P4HA3: variants seen among roughly 807,000 people sequenced by gnomAD.
P4HA3 encodes the protein prolyl 4-hydroxylase subunit alpha 3.
Under a neutral mutation model 66.7 loss-of-function variants are expected in P4HA3, and 60 were observed. The ratio of observed to expected loss-of-function variants is 0.90; its 90% CI spans 0.73 to 1.12. The LOEUF (loss-of-function observed/expected upper bound fraction) is 1.12, where lower values mean the gene tolerates loss of function less well. P4HA3 is among the 50% of genes most tolerant of loss of function. The pLI, the probability that P4HA3 is intolerant of heterozygous loss-of-function variation, is 0.00. For synonymous variants in P4HA3, 263 were observed against 274.6 expected (o/e 0.96, Z 0.42); for missense variants, 683 against 685.8 (o/e 1.00, Z 0.05).
At chr11:74,284,474 C>T (rs933799717) in intron 7 of P4HA3, among the ~76,000 whole-genome samples, 2 of 152,124 alleles carry the variant, frequency 1.3e-5, no homozygotes, top group Non-Finnish European at 2.9e-5. Flanking sequence ...GCTGGGTCTC[C>T]AAGTGAAGAC....
chr11:74,252,103 C>CT (rs60650207), intron 15 of P4HA3, among the ~76,000 whole-genome samples: 8,774 of 116,962 alleles, frequency 0.075, 989 homozygotes, highest in African/African-American at 0.24. Context: ...TGGAGCAGGG[C>CT]TTTTTTTTTT....
intron 15 of P4HA3, chr11:74,250,497 A>ACGTG (rs1441983297): frequency 3.2e-5 from 5 of 158,578 alleles, no homozygotes; most frequent in African/African-American, 1.2e-4. Context: ...TCTCATAAGC[A>ACGTG]CCATGCCAAG....
intron 6 of P4HA3, 97 bp from the exon 7 acceptor site, chr11:74,286,082 G>T: frequency 6.7e-7 from 1 of 1,491,730 alleles, no homozygotes. Flanking sequence ...GAATGCAAGA[G>T]ATACAGAATG....
chr11:74,270,356 AC>A (rs1261770576), intron 10 of P4HA3, among the ~76,000 whole-genome samples: 1 of 152,190 alleles, frequency 6.6e-6, no homozygotes, highest in Non-Finnish European at 1.5e-5. Context: ...TCTCCAGGGA[AC>A]CCAAGCTAAG....
intron 1 of P4HA3, among the ~76,000 whole-genome samples, chr11:74,306,795 A>G (rs74688581): frequency 0.041 from 6,207 of 152,294 alleles, 138 homozygotes; most frequent in Middle Eastern, 0.099. Context: ...AACATAAACT[A>G]AGGAACAAGA....
intron 4 of P4HA3, among the ~76,000 whole-genome samples, chr11:74,294,390 G>A (rs1405199656): frequency 2.0e-5 from 3 of 151,896 alleles, no homozygotes; most frequent in Admixed American, 6.6e-5. Context: ...CCATTGGTTC[G>A]AATTTCCTCC....
intron 2 of P4HA3, among the ~76,000 whole-genome samples, chr11:74,303,070 G>T (rs980020376): frequency 1.3e-5 from 2 of 151,956 alleles, no homozygotes; most frequent in Non-Finnish European, 2.9e-5. Context: ...TCTCACCTCA[G>T]CCTTCTGAGT....
intron 1 of P4HA3, among the ~76,000 whole-genome samples, chr11:74,305,333 A>G (rs2134828751): frequency 6.6e-6 from 1 of 152,252 alleles, no homozygotes; most frequent in Middle Eastern, 3.4e-3. Context: ...CCTACCATGT[A>G]TTGGCCTGTT....
chr11:74,286,255 C>G lies in P4HA3; in HGVS notation c.906G>C (p.Glu302Asp), dbSNP rs369752905. 2 of 1,612,900 alleles carry G rather than the reference C, an allele frequency of 1.2e-6. No individual in the cohort carries two copies. The highest frequency in any genetic ancestry group is 1.7e-6 in the Non-Finnish European group (2 of 1,179,748). Reference protein sequence around the residue: ...IPHLQTRDTYEGLCQTLGSQP... With the variant: ...IPHLQTRDTYDGLCQTLGSQP... The stretch of plus-strand genomic sequence containing the variant: ...GGGAACCCAGGGTCTGACATAGCCC[C>G]TCGTAGGTGTCTCTGGTCTGCAGGT... The change falls in exon 6 of 13, where the codon GAG becomes GAC. Residue 302 changes from glutamate to aspartate, a missense_variant. By Grantham distance (45) the Glu-to-Asp change is conservative. Transcript: ENST00000331597.
At chr11:74,277,453 C>G (rs971047931) in intron 8 of P4HA3, among the ~76,000 whole-genome samples, 1 of 152,068 alleles carries the variant, frequency 6.6e-6, no homozygotes, top group Non-Finnish European at 1.5e-5. Flanking sequence ...CAGAGGGACC[C>G]GGGTACAGTG....
chr11:74,277,342 C>T (rs1002092519), intron 8 of P4HA3, among the ~76,000 whole-genome samples, 198 bp from the exon 9 acceptor site: 22 of 152,164 alleles, frequency 1.4e-4, no homozygotes, highest in Non-Finnish European at 2.5e-4. Flanking sequence ...CTGCCCAGTC[C>T]ACTTTGTTCT....
At chr11:74,301,484 TGTAGAGA>T (rs2134816798) in intron 3 of P4HA3, among the ~76,000 whole-genome samples, 1 of 152,308 alleles carries the variant, frequency 6.6e-6, no homozygotes, top group Non-Finnish European at 1.5e-5. Flanking sequence ...GAAAACAGTA[TGTAGAGA>T]GACTCAAGCA....
In P4HA3 at chr11:74,289,107, G is replaced by A; in HGVS notation, c.741C>T (p.Leu247=). Residue 247 remains leucine, a synonymous_variant, in exon 5 of 13, where the codon CTC becomes CTT. Transcript: ENST00000331597. ...AGAGAAGAAACTCCCGAGAGAGGCT[G>A]AGGGCACACGAAACATTTCCTGCCT... ...YFRAGNVSCA[L]SLSREFLLYS... The A allele has an allele frequency of 1.3e-6, 2 of 1,582,378 alleles. No individual in the cohort carries two copies. The highest frequency in any genetic ancestry group is 1.7e-6 in the Non-Finnish European group (2 of 1,166,692).
chr11:74,268,182 A>G lies in P4HA3; in HGVS notation c.1527T>C (p.Leu509=). The part of the protein sequence containing the change: ...HRSGEGDSDT[L]HAGCPVLVGD... ...CCACCAGGACAGGACAGCCAGCATG[A>G]AGTGTGTCACTGTCCCCTTCACCAC... Residue 509 remains leucine, a synonymous_variant, in exon 12 of 13, where the codon CTT becomes CTC. Transcript: ENST00000331597. 6.2e-7 allele frequency: 1 copy of G among 1,614,090 alleles called. No individual in the cohort carries two copies. Among genetic ancestry groups the G allele is most frequent in the Non-Finnish European group, 8.5e-7 (1 of 1,179,966 alleles).
intron 4 of P4HA3, among the ~76,000 whole-genome samples, chr11:74,289,618 C>T (rs1002718252): frequency 7.3e-6 from 1 of 136,452 alleles, no homozygotes; most frequent in African/African-American, 2.8e-5. Context: ...ACAACAGTCC[C>T]TGGTGTGTGA....
intron 7 of P4HA3, 55 bp downstream of exon 7, chr11:74,285,754 C>A: frequency 6.4e-7 from 1 of 1,563,458 alleles, no homozygotes; most frequent in South Asian, 1.1e-5. Context: ...CACTCCTGAA[C>A]TCCAGGCATG....
At chr11:74,298,139 T>G in intron 4 of P4HA3, 73 bp downstream of exon 4, 1 of 1,523,734 alleles carries the variant, frequency 6.6e-7, no homozygotes, top group Non-Finnish European at 8.9e-7. Flanking sequence ...TGAAAATACT[T>G]AGAAATTGTA....
intron 2 of P4HA3, among the ~76,000 whole-genome samples, chr11:74,303,220 G>C (rs1419731836): frequency 2.0e-5 from 3 of 150,550 alleles, no homozygotes; most frequent in Admixed American, 6.6e-5. Context: ...CTCCCAAAGT[G>C]TTGAGATTAT....
intron 14 of P4HA3, among the ~76,000 whole-genome samples, chr11:74,260,603 T>C (rs933582884): frequency 1.3e-5 from 2 of 152,202 alleles, no homozygotes; most frequent in Admixed American, 1.3e-4. Context: ...CAAAATCTTT[T>C]CTCCTAGAGT....
Sources: gnomAD v4.1 joint callset for allele counts (sites outside exome capture counted in the v4.1 genomes callset) on GRCh38, gnomAD v4.1.1 for gene constraint, MANE v1.5 for transcripts, NCBI Gene and HGNC (gene_info 2026-07-23, HGNC 2026-07-21) for gene names.